Variants in MALRD1 observed in about 807,000 individuals in gnomAD.
The protein encoded by MALRD1 is MAM and LDL receptor class A domain containing 1.
MALRD1 carries 247 observed loss-of-function variants against 242.1 expected under a neutral mutation model. The ratio of observed to expected loss-of-function variants is 1.02; its 90% CI spans 0.92 to 1.13. MALRD1 has a LOEUF of 1.13. Among genes scored for constraint, MALRD1 ranks in the 50% most tolerant of loss-of-function variants. The pLI is 0.00. For missense variants in MALRD1, 2,989 were observed against 2,533.1 expected, an observed-to-expected ratio of 1.18 and a Z score of -3.86; for synonymous variants, 995 against 866.6, an observed-to-expected ratio of 1.15 and a Z score of -2.60.
intron 28 of MALRD1, among the ~76,000 whole-genome samples, chr10:19,427,824 G>A (rs1833959833): frequency 6.6e-6 from 1 of 152,116 alleles, no homozygotes; most frequent in Admixed American, 6.6e-5. Flanking sequence ...TCATTTTGCA[G>A]TTTACTGAGC....
At position 19,351,006 on chromosome 10, in the gene MALRD1, ATAAT is replaced by A. The variant is rs527804244; in HGVS notation, c.4150-996_4150-993del. Among the ~76,000 whole-genome samples, 693 of 152,312 alleles carry A rather than the reference ATAAT, an allele frequency of 4.5e-3. 6 individuals are homozygous for A. The highest frequency in any genetic ancestry group is 6.5e-3 in the Non-Finnish European group (440 of 68,022). ...ACAAGTATTTTGGGGTCATAGAATA[ATAAT>A]TAAAGATTTCATCAGTTGGGAGATG... On this transcript the variant is annotated intron_variant, in intron 25 of 39. Transcript: ENST00000454679.
chr10:19,069,328 G>A (rs1388758519), intron 2 of MALRD1, among the ~76,000 whole-genome samples: 4 of 151,772 alleles, frequency 2.6e-5, no homozygotes, highest in Non-Finnish European at 2.9e-5. Flanking sequence ...AACACCATCC[G>A]ATATTTTTAT....
intron 36 of MALRD1, among the ~76,000 whole-genome samples, chr10:19,646,616 A>T (rs571606387): frequency 6.6e-6 from 1 of 152,246 alleles, no homozygotes; most frequent in African/African-American, 2.4e-5. Context: ...AGAAAAAAAA[A>T]AAATAATAAG....
intron 31 of MALRD1, among the ~76,000 whole-genome samples, chr10:19,504,914 C>A (rs1838138838): frequency 6.6e-6 from 1 of 151,138 alleles, no homozygotes; most frequent in Non-Finnish European, 1.5e-5. Context: ...GATCTCCTGA[C>A]CTCATGATCC....
chr10:19,088,587 TTA>T (rs1835768608), intron 4 of MALRD1, among the ~76,000 whole-genome samples: 2 of 41,000 alleles, frequency 4.9e-5, no homozygotes, highest in African/African-American at 1.8e-4. Flanking sequence ...ATTTATTTAT[TTA>T]TTTTTTTTTA....
intron 31 of MALRD1, among the ~76,000 whole-genome samples, chr10:19,500,114 T>A (rs1021943307): frequency 6.6e-6 from 1 of 152,208 alleles, no homozygotes; most frequent in Non-Finnish European, 1.5e-5. Context: ...ATCAGGGTAA[T>A]GCTGGCTTCA....
chr10:19,495,362 A>G (rs964036947), intron 30 of MALRD1, among the ~76,000 whole-genome samples: 1 of 151,832 alleles, frequency 6.6e-6, no homozygotes, highest in African/African-American at 2.4e-5. Context: ...TACAAAGGGA[A>G]CCTCATCAGA....
In MALRD1 at chr10:19,595,445, G is replaced by A; in HGVS notation, c.5932G>A (p.Glu1978Lys). The A allele has an allele frequency of 1.3e-6, 2 of 1,549,668 alleles. No individual in the cohort carries two copies. The highest frequency in any genetic ancestry group is 1.7e-6 in the Non-Finnish European group (2 of 1,146,400). Reference sequence around the variant, plus strand: ...GCCCGACTGCCACTTTAATGAAGATGAGCTCATCTGCTGTGAGTTATTTTC... The same window carrying A: ...GCCCGACTGCCACTTTAATGAAGATAAGCTCATCTGCTGTGAGTTATTTTC... ...GVPDCHFNED[E>K]LICSNKSCSN... Residue 1978 changes from glutamate to lysine, a missense_variant, in exon 34 of 40, where the codon GAG (glutamate) becomes AAG (lysine). Transcript: ENST00000454679.
chr10:19,258,722 T>C (rs1839622191), intron 19 of MALRD1, among the ~76,000 whole-genome samples: 1 of 152,100 alleles, frequency 6.6e-6, no homozygotes, highest in Non-Finnish European at 1.5e-5. Flanking sequence ...TACCACTGTG[T>C]GTCATGGTTT....
In MALRD1 at chr10:19,336,645, C is replaced by T. The variant is rs145362979; in HGVS notation, c.3901+5063C>T. On this transcript the variant is annotated intron_variant, in intron 24 of 39. Transcript: ENST00000454679. Reference sequence around the variant, plus strand: ...GACACTTTTAATAGCCCATGCCCCCCTCCTAAATCACATTAAATTAAAAAT... The same window carrying T: ...GACACTTTTAATAGCCCATGCCCCCTTCCTAAATCACATTAAATTAAAAAT... 3.9e-5 allele frequency among the ~76,000 whole-genome samples: 6 copies of T among 152,254 alleles called. No individual in the cohort carries two copies. The East Asian group carries it at 9.6e-4, about 24-fold the overall frequency.
intron 13 of MALRD1, among the ~76,000 whole-genome samples, chr10:19,168,375 CT>C (rs1259152352): frequency 6.6e-6 from 1 of 152,076 alleles, no homozygotes; most frequent in Non-Finnish European, 1.5e-5. Flanking sequence ...ATTCGGTTTG[CT>C]TTTAGTTAGA....
rs149370838 is a variant in MALRD1, at chr10:19,281,963, CAAAAAAAAAAA to C, written c.3257-1043_3257-1033del. On this transcript the variant is annotated intron_variant, in intron 20 of 39. Transcript: ENST00000454679. ...GGATGACAAAGTGAGACGATGTCTCCAAAAAAAAAAAAAAAAAAAAAAATGAACACATAACA... is the reference window on the plus strand; with the variant it reads ...GGATGACAAAGTGAGACGATGTCTCCAAAAAAAAAAAATGAACACATAACA... 5.4e-3 allele frequency among the ~76,000 whole-genome samples: 430 copies of C among 79,864 alleles called. 2 individuals are homozygous for C. The highest frequency in any genetic ancestry group is 0.021 in the African/African-American group (413 of 19,532). The allele number at this position is 79,864 out of a possible 152,430, so 52.4% of individuals were successfully genotyped here.
chr10:19,246,203 C>G (rs1839036860), intron 18 of MALRD1, among the ~76,000 whole-genome samples: 1 of 152,162 alleles, frequency 6.6e-6, no homozygotes, highest in African/African-American at 2.4e-5. Context: ...GCAAACACTT[C>G]TATCCTTCAT....
At chr10:19,304,307 A>T (rs1249781318) in intron 21 of MALRD1, among the ~76,000 whole-genome samples, 1 of 151,208 alleles carries the variant, frequency 6.6e-6, no homozygotes, top group Non-Finnish European at 1.5e-5. Context: ...ATGTGAGCCG[A>T]TTCCCACAAT....
chr10:19,575,208 C>A (rs1836747399), intron 33 of MALRD1, among the ~76,000 whole-genome samples: 1 of 152,088 alleles, frequency 6.6e-6, no homozygotes, highest in South Asian at 2.1e-4. Context: ...GATGCAAAAC[C>A]CACATATACA....
At chr10:19,533,767 G>T (rs1419413316) in intron 32 of MALRD1, among the ~76,000 whole-genome samples, 1 of 152,142 alleles carries the variant, frequency 6.6e-6, no homozygotes, top group African/African-American at 2.4e-5. Flanking sequence ...GCTCCCACCA[G>T]TCCCAACCTC....
At chr10:19,606,849 TA>T (rs1838659191) in intron 34 of MALRD1, among the ~76,000 whole-genome samples, 1 of 152,086 alleles carries the variant, frequency 6.6e-6, no homozygotes, top group Non-Finnish European at 1.5e-5. Context: ...CTCTAACACA[TA>T]AAACCAATGC....
At chr10:19,296,715 TG>T (rs1841718126) in intron 21 of MALRD1, among the ~76,000 whole-genome samples, 1 of 151,982 alleles carries the variant, frequency 6.6e-6, no homozygotes, top group Non-Finnish European at 1.5e-5. Context: ...TTGACATATA[TG>T]AGTATTTGTT....
intron 31 of MALRD1, among the ~76,000 whole-genome samples, chr10:19,509,163 C>T (rs148962760): frequency 3.2e-4 from 48 of 152,174 alleles, no homozygotes; most frequent in African/African-American, 9.6e-4. Flanking sequence ...AGACAAATTA[C>T]GTTTAGCAGA....
Sources: gnomAD v4.1 joint callset for allele counts (sites outside exome capture counted in the v4.1 genomes callset) on GRCh38, gnomAD v4.1.1 for gene constraint, MANE v1.5 for transcripts, NCBI Gene and HGNC (gene_info 2026-07-23, HGNC 2026-07-21) for gene names.